The following PTPRD variants were observed in gnomAD, a reference collection of about 807,000 sequenced individuals.
PTPRD encodes the protein protein tyrosine phosphatase receptor type D.
In PTPRD, 34 loss-of-function variants were observed where a neutral mutation model predicts 214.5. The observed-to-expected ratio is 0.16, with a 90% confidence interval of 0.12 to 0.21. The LOEUF (loss-of-function observed/expected upper bound fraction) is 0.21, where lower values mean the gene tolerates loss of function less well. Ranked by LOEUF, PTPRD falls within the 10% of genes least tolerant of loss-of-function variation. The pLI, the probability that PTPRD is intolerant of heterozygous loss-of-function variation, is 1.00. For missense variants in PTPRD, 2,545 were observed against 2,398.7 expected, an observed-to-expected ratio of 1.06 and a Z score of -1.27; for synonymous variants, 1,128 against 845.7, an observed-to-expected ratio of 1.33 and a Z score of -5.79.
chr9:10,298,403 C>A (rs1321329486), intron 3 of PTPRD, among the ~76,000 whole-genome samples: 1 of 152,034 alleles, frequency 6.6e-6, no homozygotes, highest in East Asian at 1.9e-4. Context: ...ATGATCCTTG[C>A]CAAGCCATGC....
chr9:8,478,390 T>C (rs368946166), intron 30 of PTPRD, among the ~76,000 whole-genome samples: 59 of 152,314 alleles, frequency 3.9e-4, no homozygotes, highest in Middle Eastern at 3.4e-3. Flanking sequence ...AACAAATTAG[T>C]AAGACCAAAG....
At chr9:8,573,021 C>T (rs950916771) in intron 14 of PTPRD, among the ~76,000 whole-genome samples, 2 of 151,950 alleles carry the variant, frequency 1.3e-5, no homozygotes, top group Non-Finnish European at 2.9e-5. Context: ...ATAGCAACTC[C>T]TATGCTACAT....
chr9:9,392,016 G>T (rs2066006680), intron 9 of PTPRD, among the ~76,000 whole-genome samples: 1 of 152,042 alleles, frequency 6.6e-6, no homozygotes, highest in Admixed American at 6.6e-5. Flanking sequence ...AAGCAACAGA[G>T]AAAATTTAGA....
intron 3 of PTPRD, among the ~76,000 whole-genome samples, chr9:10,189,194 C>T (rs974140481): frequency 6.6e-6 from 1 of 152,092 alleles, no homozygotes; most frequent in Admixed American, 6.6e-5. Context: ...TCTTTGGAAT[C>T]CTAACTGGTC....
intron 10 of PTPRD, among the ~76,000 whole-genome samples, chr9:9,164,909 C>T (rs576218109): frequency 1.1e-4 from 17 of 151,568 alleles, no homozygotes; most frequent in East Asian, 1.9e-4. Flanking sequence ...AGAAATTAGC[C>T]GGGTGTGGTG....
At chr9:8,979,609 A>G (rs1489169484) in intron 11 of PTPRD, among the ~76,000 whole-genome samples, 3 of 152,138 alleles carry the variant, frequency 2.0e-5, no homozygotes, top group African/African-American at 7.2e-5. Context: ...AAGGAGACAT[A>G]AAACTGGCCA....
intron 10 of PTPRD, among the ~76,000 whole-genome samples, chr9:9,149,398 A>G (rs906854972): frequency 6.6e-6 from 1 of 152,218 alleles, no homozygotes; most frequent in Non-Finnish European, 1.5e-5. Context: ...AAGATGATTC[A>G]GTTTGCCAAC....
intron 2 of PTPRD, among the ~76,000 whole-genome samples, chr9:10,515,849 T>A (rs2049911100): frequency 6.6e-6 from 1 of 151,966 alleles, no homozygotes; most frequent in South Asian, 2.1e-4. Flanking sequence ...CTTCGTTGAC[T>A]GTCTTATTTT....
At chr9:8,700,061 C>A (rs1454210363) in intron 12 of PTPRD, among the ~76,000 whole-genome samples, 1 of 152,132 alleles carries the variant, frequency 6.6e-6, no homozygotes, top group Non-Finnish European at 1.5e-5. Flanking sequence ...GGTACAACTG[C>A]CAGTAATCAA....
chr9:9,171,330 A>G (rs1022760870), intron 10 of PTPRD, among the ~76,000 whole-genome samples: 3 of 149,996 alleles, frequency 2.0e-5, no homozygotes, highest in Admixed American at 6.7e-5. Flanking sequence ...ATTGCTAATT[A>G]TAAGATTATA....
At chr9:9,278,995 C>T (rs913135043) in intron 9 of PTPRD, among the ~76,000 whole-genome samples, 8 of 151,056 alleles carry the variant, frequency 5.3e-5, no homozygotes, top group Non-Finnish European at 8.9e-5. Flanking sequence ...TTTACTTGAA[C>T]AATAACCTGT....
At chr9:10,484,483 T>C (rs758728352) in intron 2 of PTPRD, among the ~76,000 whole-genome samples, 2 of 152,132 alleles carry the variant, frequency 1.3e-5, no homozygotes, top group East Asian at 1.9e-4. Context: ...ATAGTAGTTG[T>C]ATTATTTACA....
intron 3 of PTPRD, among the ~76,000 whole-genome samples, chr9:10,294,182 C>T (rs1305554059): frequency 2.0e-5 from 3 of 151,846 alleles, no homozygotes; most frequent in Non-Finnish European, 4.4e-5. Context: ...AAACCTTTTT[C>T]CCCCAATTTC....
At chr9:8,540,561 T>C (rs1014608553) in intron 14 of PTPRD, among the ~76,000 whole-genome samples, 1 of 152,204 alleles carries the variant, frequency 6.6e-6, no homozygotes, top group Non-Finnish European at 1.5e-5. Flanking sequence ...AGAGAAATGA[T>C]AAAGTCTGAT....
intron 5 of PTPRD, among the ~76,000 whole-genome samples, chr9:9,913,200 A>G (rs943652801): frequency 2.0e-5 from 3 of 152,212 alleles, no homozygotes; most frequent in Admixed American, 1.3e-4. Flanking sequence ...TATGTTATGC[A>G]TAGTATTTCA....
chr9:10,154,890 A>G (rs2099083951), intron 3 of PTPRD, among the ~76,000 whole-genome samples: 1 of 151,988 alleles, frequency 6.6e-6, no homozygotes, highest in Non-Finnish European at 1.5e-5. Context: ...TGCTGCCTCT[A>G]GCTTTGTTCT....
At chr9:9,888,446 G>A (rs2071828804) in intron 5 of PTPRD, among the ~76,000 whole-genome samples, 2 of 152,122 alleles carry the variant, frequency 1.3e-5, no homozygotes, top group Admixed American at 1.3e-4. Flanking sequence ...CAGTGTTGGA[G>A]GTGGGGGCCT....
intron 11 of PTPRD, among the ~76,000 whole-genome samples, chr9:8,967,500 T>A (rs530250924): frequency 2.0e-5 from 3 of 151,976 alleles, no homozygotes; most frequent in Non-Finnish European, 2.9e-5. Flanking sequence ...CATAAAAAAA[T>A]AAAAACCATG....
intron 2 of PTPRD, among the ~76,000 whole-genome samples, chr9:10,541,244 G>A (rs1363128475): frequency 6.6e-6 from 1 of 152,120 alleles, no homozygotes; most frequent in East Asian, 1.9e-4. Flanking sequence ...AATCTAAGCT[G>A]CCTTGATTAA....
Sources: allele counts gnomAD v4.1 joint callset (sites outside exome capture counted in the v4.1 genomes callset), GRCh38; gene constraint gnomAD v4.1.1; transcripts MANE v1.5; gene names NCBI Gene and HGNC (gene_info 2026-07-23, HGNC 2026-07-21).